Variants in RNF149 observed in about 807,000 individuals in gnomAD.
RNF149 encodes the protein ring finger protein 149.
RNF149 carries 21 observed loss-of-function variants against 39.0 expected under a neutral mutation model. The observed-to-expected ratio is 0.54, with a 90% CI of 0.38 to 0.77. The LOEUF (loss-of-function observed/expected upper bound fraction) is 0.77, where lower values mean the gene tolerates loss of function less well. RNF149 is among the 30% of genes least tolerant of loss of function. The pLI is 0.00. For missense variants in RNF149, 493 were observed against 534.9 expected (o/e 0.92, Z 0.77); for synonymous variants, 209 against 213.6 (o/e 0.98, Z 0.19).
intron 1 of RNF149, among the ~76,000 whole-genome samples, chr2:101,303,184 C>T (rs1249090252): frequency 6.6e-6 from 1 of 151,994 alleles, no homozygotes; most frequent in Non-Finnish European, 1.5e-5. Flanking sequence ...GGTGCAATCT[C>T]GGCTCACTGC....
chr2:101,299,676 T>C (rs1485168910), intron 1 of RNF149, among the ~76,000 whole-genome samples: 2 of 152,208 alleles, frequency 1.3e-5, no homozygotes, highest in African/African-American at 2.4e-5. Flanking sequence ...CACAGAAAAC[T>C]AAACTATGCT....
intron 6 of RNF149, among the ~76,000 whole-genome samples, chr2:101,280,800 A>G (rs939602877): frequency 9.2e-5 from 14 of 152,222 alleles, no homozygotes; most frequent in African/African-American, 3.1e-4. Context: ...CAACAATGTG[A>G]AAAGAGGACA....
At chr2:101,284,776 C>T (rs1290807619) in intron 5 of RNF149, among the ~76,000 whole-genome samples, 1 of 152,036 alleles carries the variant, frequency 6.6e-6, no homozygotes, top group Non-Finnish European at 1.5e-5. Context: ...ATAAAGTGAT[C>T]ATCATTTAAA....
chr2:101,295,639 C>A lies in RNF149; in HGVS notation c.461-458G>T, dbSNP rs144395210. On this transcript the variant is annotated intron_variant, in intron 1 of 6. Transcript: ENST00000295317. ...TCGCGCCACTGCACTCCAGCCCGGG[C>A]GACAGTGCGAGACCCCATCTCAAAA... 4.4e-3 allele frequency among the ~76,000 whole-genome samples: 637 copies of A among 145,730 alleles called. 13 individuals are homozygous for A. In the East Asian group the frequency reaches 0.075, roughly 17 times the overall value.
chr2:101,295,200 A>C lies in RNF149; in HGVS notation c.461-19T>G. 1 of 1,602,970 alleles carries C rather than the reference A, an allele frequency of 6.2e-7. No individual in the cohort carries two copies. The highest frequency in any genetic ancestry group is 8.5e-7 in the Non-Finnish European group (1 of 1,170,864). On this transcript the variant is annotated intron_variant, in intron 1 of 6. Transcript: ENST00000295317. ...CCTGTTCCTGTAGGAAAGAACAAAGAAATCAATGTGAAGAACACAAAATAA... is the reference window on the plus strand; with the variant it reads ...CCTGTTCCTGTAGGAAAGAACAAAGCAATCAATGTGAAGAACACAAAATAA...
At chr2:101,294,611 C>T in intron 2 of RNF149, 1 of 261,058 alleles carries the variant, frequency 3.8e-6, no homozygotes, top group South Asian at 5.4e-5. Flanking sequence ...AGATAAATGG[C>T]TTTACTACGG....
In RNF149 at chr2:101,283,668, C is replaced by T. The variant is rs557921289; in HGVS notation, c.961-1611G>A. On this transcript the variant is annotated intron_variant, in intron 5 of 6. Transcript: ENST00000295317. ...TGATGTTACTATAGGTTCTGTTCTT[C>T]AAACAATAAATTAGGCATTCTGGGG... Among the ~76,000 whole-genome samples, 9 of 152,242 alleles carry T rather than the reference C, an allele frequency of 5.9e-5. No homozygotes were observed. In the East Asian group the frequency reaches 1.7e-3, roughly 29 times the overall value.
chr2:101,304,367 A>C (rs1263392988), intron 1 of RNF149, among the ~76,000 whole-genome samples: 3 of 152,226 alleles, frequency 2.0e-5, no homozygotes, highest in South Asian at 2.1e-4. Context: ...ACTGCACTCC[A>C]GCCTGGGTGA....
intron 3 of RNF149, 30 bp from the exon 4 acceptor site, chr2:101,289,085 A>G (rs368561197): frequency 1.7e-5 from 22 of 1,306,148 alleles, no homozygotes; most frequent in Non-Finnish European, 2.2e-5. Context: ...GTGTTACTAC[A>G]TTCTTGGTAC....
intron 4 of RNF149, among the ~76,000 whole-genome samples, chr2:101,287,465 C>T (rs1271610049): frequency 1.3e-5 from 2 of 152,184 alleles, no homozygotes; most frequent in East Asian, 1.9e-4. Flanking sequence ...AAGGAGACCA[C>T]GAAATGTGCA....
chr2:101,303,446 C>G (rs938727422), intron 1 of RNF149, among the ~76,000 whole-genome samples: 2 of 152,050 alleles, frequency 1.3e-5, no homozygotes, highest in African/African-American at 4.8e-5. Context: ...ATTTTAAATT[C>G]AAATCTAAAT....
At chr2:101,294,152 C>T in intron 2 of RNF149, 70 bp from the exon 3 acceptor site, 2 of 859,000 alleles carry the variant, frequency 2.3e-6, no homozygotes, top group Admixed American at 3.8e-5. Flanking sequence ...TTAAAAGTCA[C>T]AAATATAATA....
intron 6 of RNF149, among the ~76,000 whole-genome samples, chr2:101,280,154 C>T (rs570391597): frequency 1.3e-4 from 19 of 149,036 alleles, no homozygotes; most frequent in African/African-American, 4.7e-4. Flanking sequence ...CCAGACTGGC[C>T]GACAGAGCAA....
At chr2:101,284,212 G>A (rs1409792809) in intron 5 of RNF149, among the ~76,000 whole-genome samples, 1 of 152,214 alleles carries the variant, frequency 6.6e-6, no homozygotes, top group Non-Finnish European at 1.5e-5. Flanking sequence ...TTTCTAGTCA[G>A]ACAGTTCTTG....
rs368810286 is a variant in RNF149, at chr2:101,286,073, T to C, written c.960+8A>G. 2 of 1,558,918 alleles carry C rather than the reference T, an allele frequency of 1.3e-6. No individual in the cohort carries two copies. Among genetic ancestry groups the C allele is most frequent in the African/African-American group, 1.4e-5 (1 of 73,656 alleles). On this transcript the variant is annotated splice_region_variant and intron_variant, in intron 5 of 6. Transcript: ENST00000295317. Reference sequence around the variant, plus strand: ...CAGAGATTGAATATAAACAAAAATGTAACAAACCCAATATCCTAGGGCTTT... The same window carrying C: ...CAGAGATTGAATATAAACAAAAATGCAACAAACCCAATATCCTAGGGCTTT...
At chr2:101,292,621 C>T (rs1239868365) in intron 3 of RNF149, among the ~76,000 whole-genome samples, 1 of 152,140 alleles carries the variant, frequency 6.6e-6, no homozygotes, top group African/African-American at 2.4e-5. Context: ...AAAAAATTAG[C>T]TGGGCGTGGT....
chr2:101,297,923 G>C (rs995761445), intron 1 of RNF149, among the ~76,000 whole-genome samples: 2 of 152,138 alleles, frequency 1.3e-5, no homozygotes, highest in Non-Finnish European at 2.9e-5. Context: ...CTGTAAGATT[G>C]GCAAAGATCA....
downstream of RNF149, chr2:101,272,965 G>C: frequency 7.4e-7 from 1 of 1,352,316 alleles, no homozygotes; most frequent in Non-Finnish European, 9.8e-7. Flanking sequence ...TTCGCTTCAG[G>C]ATATTTTGTC....
intron 1 of RNF149, among the ~76,000 whole-genome samples, chr2:101,305,431 CA>C (rs1007535060): frequency 5.9e-5 from 9 of 152,212 alleles, no homozygotes; most frequent in African/African-American, 2.2e-4. Flanking sequence ...ACTAGCCCCA[CA>C]GTCTAAGTGG....
Sources: allele counts gnomAD v4.1 joint callset (sites outside exome capture counted in the v4.1 genomes callset), GRCh38; gene constraint gnomAD v4.1.1; transcripts MANE v1.5; gene names NCBI Gene and HGNC (gene_info 2026-07-23, HGNC 2026-07-21).